UBE3D: variants seen among roughly 807,000 people sequenced by gnomAD.
UBE3D encodes the protein ubiquitin protein ligase E3D.
Under a neutral mutation model 49.6 loss-of-function variants are expected in UBE3D, and 48 were observed. The ratio of observed to expected loss-of-function variants is 0.97; its 90% CI spans 0.77 to 1.23. The LOEUF (loss-of-function observed/expected upper bound fraction) is 1.23, where lower values mean the gene tolerates loss of function less well. Ranked by LOEUF, UBE3D falls within the 50% of genes most tolerant of loss-of-function variation. The probability of loss-of-function intolerance (pLI) is 0.00; values close to 1 mark genes in which losing one functional copy is unlikely to be tolerated. For synonymous variants in UBE3D, 189 were observed against 174.2 expected, an observed-to-expected ratio of 1.08 and a Z score of -0.67; for missense variants, 452 against 468.4, an observed-to-expected ratio of 0.96 and a Z score of 0.32.
rs558815711 is a variant in UBE3D, at chr6:82,945,226, T to A, written c.1149+12086A>T. Among the ~76,000 whole-genome samples the A allele has an allele frequency of 6.6e-5, 10 of 152,274 alleles. No homozygotes were observed. The South Asian group carries it at 2.1e-3, about 32-fold the overall frequency. On this transcript the variant is annotated intron_variant, in intron 9 of 9. Coordinates refer to ENST00000369747, the MANE Select transcript of UBE3D (RefSeq NM_198920.3). ...TTTGTGATGGTGGCCACAGGGGCGA[T>A]TGTGTCACCTCAGCCCCAGGTGGCT...
At chr6:82,937,520 C>T (rs982553840) in intron 9 of UBE3D, among the ~76,000 whole-genome samples, 2 of 152,142 alleles carry the variant, frequency 1.3e-5, no homozygotes, top group East Asian at 3.8e-4. Context: ...CAGCCATGCT[C>T]AGTGTGTGGG....
chr6:82,985,797 CT>C (rs1438782348), intron 8 of UBE3D, among the ~76,000 whole-genome samples: 1 of 152,158 alleles, frequency 6.6e-6, no homozygotes, highest in Non-Finnish European at 1.5e-5. Flanking sequence ...CATTTCCTCA[CT>C]GTTTGAGAGG....
At chr6:83,029,578 G>C (rs533502755) in intron 5 of UBE3D, among the ~76,000 whole-genome samples, 4 of 152,216 alleles carry the variant, frequency 2.6e-5, no homozygotes, top group South Asian at 2.1e-4. Flanking sequence ...TGCTTACTAA[G>C]TACCTGCTTA....
At chr6:82,943,249 T>C (rs1775147290) in intron 9 of UBE3D, among the ~76,000 whole-genome samples, 1 of 152,206 alleles carries the variant, frequency 6.6e-6, no homozygotes, top group South Asian at 2.1e-4. Context: ...AGGAAGTAAC[T>C]GACTTGCTTT....
rs764537868 is a variant in UBE3D at position 83,044,440 on chromosome 6, G to A, written c.585C>T (p.Asn195=). The A allele has an allele frequency of 2.9e-5, 47 of 1,613,902 alleles. No individual in the cohort carries two copies. The highest frequency in any genetic ancestry group is 3.9e-5 in the Non-Finnish European group (46 of 1,179,840). The change falls in exon 4 of 10, where the codon AAC becomes AAT. Residue 195 remains asparagine, a synonymous_variant. Coordinates refer to ENST00000369747, the MANE Select transcript of UBE3D (RefSeq NM_198920.3). The stretch of plus-strand genomic sequence containing the variant: ...AATGATATTTTACCAATTTACAATG[G>A]TTGTCAGAAGAAACACAGCACATCT... ...PVEMCCVSSD[N]HCKLEPKANT... is the part of the protein sequence containing the mutation.
At chr6:82,969,370 G>T (rs1482263959) in intron 8 of UBE3D, among the ~76,000 whole-genome samples, 1 of 152,060 alleles carries the variant, frequency 6.6e-6, no homozygotes, top group Admixed American at 6.6e-5. Context: ...ACTTTGAGAG[G>T]CCGAGGTGGG....
At chr6:83,037,403 G>A (rs1206598108) in intron 5 of UBE3D, 2 of 152,028 alleles carry the variant, frequency 1.3e-5, no homozygotes, top group African/African-American at 4.8e-5. Context: ...AGGACTTCAG[G>A]GAGAAAATAA....
chr6:82,906,458 T>G (rs977081160), intron 9 of UBE3D, among the ~76,000 whole-genome samples: 1 of 152,222 alleles, frequency 6.6e-6, no homozygotes, highest in Non-Finnish European at 1.5e-5. Flanking sequence ...CTCTTCAACT[T>G]AGAGCCTAAG....
In UBE3D at chr6:83,003,544, T is replaced by C. The variant is rs1296835095; in HGVS notation, c.1010+15429A>G. Among the ~76,000 whole-genome samples the C allele has an allele frequency of 2.0e-5, 3 of 152,202 alleles. No individual in the cohort carries two copies. The East Asian group carries it at 5.8e-4, about 29-fold the overall frequency. ...TGTGTCGCTTAACAACGTGCATACA[T>C]CCTGAGAAATGCATTATTAGGCAAT... On this transcript the variant is annotated intron_variant, in intron 8 of 9. Transcript: ENST00000369747.
chr6:83,053,485 T>A (rs1783604531), intron 3 of UBE3D, among the ~76,000 whole-genome samples: 1 of 152,052 alleles, frequency 6.6e-6, no homozygotes, highest in African/African-American at 2.4e-5. Context: ...GAAGGGTTTG[T>A]GCCCAAGAAA....
chr6:82,965,465 C>T (rs2127785469), intron 8 of UBE3D, among the ~76,000 whole-genome samples: 1 of 151,908 alleles, frequency 6.6e-6, no homozygotes, highest in Admixed American at 6.6e-5. Context: ...TGCCTGTAAT[C>T]CCAGCTACTC....
chr6:82,890,569 G>A (rs556563587), downstream of UBE3D, among the ~76,000 whole-genome samples: 14 of 152,246 alleles, frequency 9.2e-5, no homozygotes, highest in Non-Finnish European at 1.3e-4. Context: ...TGCCCTTTGT[G>A]TGCATGTGTG....
chr6:83,021,971 G>A (rs1781127783), intron 7 of UBE3D, among the ~76,000 whole-genome samples: 1 of 151,972 alleles, frequency 6.6e-6, no homozygotes, highest in South Asian at 2.1e-4. Context: ...AGTACATAGA[G>A]GCACTTGATC....
intron 4 of UBE3D, among the ~76,000 whole-genome samples, chr6:83,039,179 C>T (rs1782472286): frequency 6.6e-6 from 1 of 152,174 alleles, no homozygotes. Flanking sequence ...TTTGTTAAAA[C>T]CATACATTCC....
chr6:82,936,414 T>A (rs1774578964), intron 9 of UBE3D, among the ~76,000 whole-genome samples: 1 of 152,096 alleles, frequency 6.6e-6, no homozygotes, highest in African/African-American at 2.4e-5. Context: ...ATTTTCAAGC[T>A]GAAGTTAAAT....
At chr6:83,041,502 G>T (rs113350772) in intron 4 of UBE3D, among the ~76,000 whole-genome samples, 3,411 of 152,160 alleles carry the variant, frequency 0.022, 57 homozygotes, top group Non-Finnish European at 0.037. Flanking sequence ...GTGTGATAAC[G>T]GTGTGGCTAC....
intron 8 of UBE3D, among the ~76,000 whole-genome samples, chr6:83,005,947 A>G (rs768614981): frequency 8.5e-5 from 13 of 152,138 alleles, no homozygotes; most frequent in Non-Finnish European, 1.9e-4. Context: ...AATGTTGGCC[A>G]GGCACGGTGG....
At chr6:82,927,213 C>CTTT (rs34600480) in intron 9 of UBE3D, among the ~76,000 whole-genome samples, 19 of 144,140 alleles carry the variant, frequency 1.3e-4, no homozygotes, top group African/African-American at 4.0e-4. Flanking sequence ...ATCTATTTGT[C>CTTT]TTTTTTTTTT....
chr6:82,887,817 A>T (rs1770917041), downstream of UBE3D, among the ~76,000 whole-genome samples: 1 of 152,214 alleles, frequency 6.6e-6, no homozygotes, highest in South Asian at 2.1e-4. Flanking sequence ...TGTTACTTAT[A>T]TCACCATCCT....
Sources: allele counts gnomAD v4.1 joint callset (sites outside exome capture counted in the v4.1 genomes callset), GRCh38; gene constraint gnomAD v4.1.1; transcripts MANE v1.5; gene names NCBI Gene and HGNC (gene_info 2026-07-23, HGNC 2026-07-21).